KRTAP10-3: variants seen among roughly 807,000 people sequenced by gnomAD.
The protein encoded by KRTAP10-3 is keratin associated protein 10-3.
For synonymous variants in KRTAP10-3, 151 were observed against 126.2 expected, an observed-to-expected ratio of 1.20 and a Z score of -1.32; for missense variants, 341 against 293.4, an observed-to-expected ratio of 1.16 and a Z score of -1.19.
At position 44,558,160 on chromosome 21, in the gene KRTAP10-3, G is replaced by A. The variant is rs201034957; in HGVS notation, c.556C>T (p.Pro186Ser). The part of the protein sequence containing the change: ...SCCAPASTCQ[P>S]SCCRPASCVS... Reference sequence around the variant, plus strand: ...CAGGAGGCCGGGCGGCAGCAGCTGGGCTGGCAGGTGGAGGCAGGGGCACAG... The same window carrying A: ...CAGGAGGCCGGGCGGCAGCAGCTGGACTGGCAGGTGGAGGCAGGGGCACAG... The change falls in exon 1 of 1, where the codon CCC becomes TCC. Residue 186 changes from proline to serine, a missense_variant. Physicochemically the swap from Pro to Ser is moderately conservative, Grantham distance 74. Coordinates refer to ENST00000391620, the MANE Select transcript of KRTAP10-3 (RefSeq NM_198696.3). 1.9e-4 allele frequency: 305 copies of A among 1,611,268 alleles called. No individual in the cohort carries two copies. The highest frequency in any genetic ancestry group is 5.0e-4 in the Middle Eastern group (3 of 6,036).
Position 44,557,813 on chromosome 21 carries a change from T to G in KRTAP10-3, c.*237A>C. The G allele has an allele frequency of 1.7e-6, 1 of 574,262 alleles. No homozygotes were observed. The highest frequency in any genetic ancestry group is 3.1e-6 in the Non-Finnish European group (1 of 327,284). The allele number at this position is 574,262 out of a possible 1,614,324, so 35.6% of individuals were successfully genotyped here. ...GAGAGGGCACATTGGTGACTTTATT[T>G]GTTGACAGACTGATCACTCACATGG... On this transcript the variant is annotated 3_prime_UTR_variant, in exon 1 of 1. Transcript: ENST00000391620.
Position 44,557,933 on chromosome 21 carries a change from C to G in KRTAP10-3, c.*117G>C. 8.2e-7 allele frequency: 1 copy of G among 1,213,144 alleles called. No individual in the cohort carries two copies. Among genetic ancestry groups the G allele is most frequent in the Non-Finnish European group, 1.1e-6 (1 of 871,998 alleles). 75.1% of individuals were successfully genotyped at this position (1,213,144 alleles called of 1,614,324 possible). ...GAATCGGCATGAAAGCTCAGCATTG[C>G]TGGCTGGAGGTGCAGTGGCTATGGG... On this transcript the variant is annotated 3_prime_UTR_variant, in exon 1 of 1. Coordinates refer to ENST00000391620, the MANE Select transcript of KRTAP10-3 (RefSeq NM_198696.3).
In KRTAP10-3 at chr21:44,558,483, G is replaced by A. The variant is rs181734444; in HGVS notation, c.233C>T (p.Ser78Leu). 458 of 1,614,030 alleles carry A rather than the reference G, an allele frequency of 2.8e-4. No homozygotes were observed. Among genetic ancestry groups the A allele is most frequent in the Admixed American group, 5.8e-4 (35 of 60,036 alleles). Residue 78 changes from serine (S) to leucine (L), a missense_variant, in exon 1 of 1, where the codon TCG (serine) becomes TTG (leucine). Transcript: ENST00000391620. ...CTGGCAGCTAGACTGCTGGCAGCAC[G>A]AGGGCGTGCAGGAGCTGGTGCAGCC... ...QSGCTSSCTP[S>L]CCQQSSCQPA...
At position 44,558,390 on chromosome 21, in the gene KRTAP10-3, C is replaced by T. The variant is rs782511493; in HGVS notation, c.326G>A (p.Cys109Tyr). The T allele has an allele frequency of 3.3e-5, 53 of 1,613,028 alleles. No individual in the cohort carries two copies. The highest frequency in any genetic ancestry group is 4.1e-5 in the Non-Finnish European group (48 of 1,179,604). ...CCVPVCCKPVCCVPVCCKPVC... is the reference protein window; with the variant it reads ...CCVPVCCKPVYCVPVCCKPVC... Reference sequence around the variant, plus strand: ...AGGCTTGCAGCAGACGGGCACACAGCAGACTGGCTTGCAGCAGACAGGCAC... The same window carrying T: ...AGGCTTGCAGCAGACGGGCACACAGTAGACTGGCTTGCAGCAGACAGGCAC... The change falls in exon 1 of 1, where the codon TGC (cysteine) becomes TAC (tyrosine). Residue 109 changes from cysteine (C) to tyrosine (Y), a missense_variant. Cys to Tyr is a radical substitution (Grantham distance 194). Coordinates refer to ENST00000391620, the MANE Select transcript of KRTAP10-3 (RefSeq NM_198696.3).
Position 44,558,747 on chromosome 21 carries a change from A to G in KRTAP10-3, c.-32T>C, listed in dbSNP as rs1402449020. 2 of 1,572,992 alleles carry G rather than the reference A, an allele frequency of 1.3e-6. No homozygotes were observed. Among genetic ancestry groups the G allele is most frequent in the Admixed American group, 1.7e-5 (1 of 57,180 alleles). ...GTGGGGAGGAGGTGAGCTGGGGGAG[A>G]CGTGAGTGAGTGAGTGTGGGAGTGA... On this transcript the variant is annotated 5_prime_UTR_variant, in exon 1 of 1. Coordinates refer to ENST00000391620, the MANE Select transcript of KRTAP10-3 (RefSeq NM_198696.3).
rs62220865 is a variant in KRTAP10-3, at chr21:44,558,416, G to A, written c.300C>T (p.Cys100=). The change falls in exon 1 of 1, where the codon TGC becomes TGT. Residue 100 remains cysteine, a synonymous_variant. Transcript: ENST00000391620. ...CTSSPCQQAC[C]VPVCCKPVCC... ...AGACTGGCTTGCAGCAGACAGGCACGCAGCAGGCCTGCTGGCAGGGGGAGG... is the reference window on the plus strand; with the variant it reads ...AGACTGGCTTGCAGCAGACAGGCACACAGCAGGCCTGCTGGCAGGGGGAGG... The A allele has an allele frequency of 4.8e-5, 77 of 1,613,868 alleles. No homozygotes were observed. Among genetic ancestry groups the A allele is most frequent in the African/African-American group, 2.0e-4 (15 of 75,008 alleles).
chr21:44,558,113 G>T lies in KRTAP10-3; in HGVS notation c.603C>A (p.Pro201=). Residue 201 remains proline (P), a synonymous_variant, in exon 1 of 1, where the codon CCC becomes CCA. Transcript: ENST00000391620. ...PASCVSLLCR[P]TCSRLSSACC... The stretch of plus-strand genomic sequence containing the variant: ...ACGCGGAAGAGAGGCGGGAGCACGT[G>T]GGGCGGCAGAGGAGGGACACGCAGG... 1 of 1,611,952 alleles carries T rather than the reference G, an allele frequency of 6.2e-7. No homozygotes were observed. The highest frequency in any genetic ancestry group is 8.5e-7 in the Non-Finnish European group (1 of 1,178,732).
chr21:44,558,395 T>TTGCAGCACACA lies in KRTAP10-3; in HGVS notation c.320_321insTGTGTGCTGCA (p.Val111LysfsTer139). On this transcript the variant is annotated frameshift_variant, in exon 1 of 1. Coordinates refer to ENST00000391620, the MANE Select transcript of KRTAP10-3 (RefSeq NM_198696.3). LOFTEE classifies it low-confidence loss of function (END_TRUNC). ...TGCAGCAGACGGGCACACAGCAGAC[T>TTGCAGCACACA]GGCTTGCAGCAGACAGGCACGCAGC... is the stretch of plus-strand genomic sequence containing the variant. The TTGCAGCACACA allele has an allele frequency of 6.2e-7, 1 of 1,610,800 alleles. No individual in the cohort carries two copies. Among genetic ancestry groups the TTGCAGCACACA allele is most frequent in the South Asian group, 1.1e-5 (1 of 90,960 alleles).
rs782190680 is a variant in KRTAP10-3 at position 44,558,748 on chromosome 21, C to CGTGAGTGAGTGA, written c.-45_-34dup. The CGTGAGTGAGTGA allele has an allele frequency of 2.5e-6, 4 of 1,571,600 alleles. No homozygotes were observed. The highest frequency in any genetic ancestry group is 1.8e-5 in the Admixed American group (1 of 57,092). On this transcript the variant is annotated 5_prime_UTR_variant, in exon 1 of 1. Transcript: ENST00000391620. ...TGGGGAGGAGGTGAGCTGGGGGAGA[C>CGTGAGTGAGTGA]GTGAGTGAGTGAGTGTGGGAGTGAG...
rs1246560317 is a variant in KRTAP10-3, at chr21:44,557,910, A to G, written c.*140T>C. 1 of 994,938 alleles carries G rather than the reference A, an allele frequency of 1.0e-6. No individual in the cohort carries two copies. The highest frequency in any genetic ancestry group is 1.5e-6 in the Non-Finnish European group (1 of 681,054). 61.6% of individuals were successfully genotyped at this position (994,938 alleles called of 1,614,324 possible). On this transcript the variant is annotated 3_prime_UTR_variant, in exon 1 of 1. Coordinates refer to ENST00000391620, the MANE Select transcript of KRTAP10-3 (RefSeq NM_198696.3). The stretch of plus-strand genomic sequence containing the variant: ...TGGGAGAGATGCATGCCTGGAGGGA[A>G]TCGGCATGAAAGCTCAGCATTGCTG...
rs201358935 is a variant in KRTAP10-3, at chr21:44,558,111, G to A, written c.605C>T (p.Thr202Met). 6.1e-5 allele frequency: 98 copies of A among 1,611,672 alleles called. No homozygotes were observed. Among genetic ancestry groups the A allele is most frequent in the African/African-American group, 8.0e-5 (6 of 74,992 alleles). The change falls in exon 1 of 1, where the codon ACG becomes ATG. Residue 202 changes from threonine to methionine, a missense_variant. Transcript: ENST00000391620. ...ASCVSLLCRP[T>M]CSRLSSACCG... ...GCACGCGGAAGAGAGGCGGGAGCACGTGGGGCGGCAGAGGAGGGACACGCA... is the reference window on the plus strand; with the variant it reads ...GCACGCGGAAGAGAGGCGGGAGCACATGGGGCGGCAGAGGAGGGACACGCA...
In KRTAP10-3 at chr21:44,557,880, G is replaced by A. The variant is rs2053559358; in HGVS notation, c.*170C>T. The stretch of plus-strand genomic sequence containing the variant: ...CACCGGCTGGCCAGCATGGAGATGA[G>A]GGTGTGGGAGAGATGCATGCCTGGA... On this transcript the variant is annotated 3_prime_UTR_variant, in exon 1 of 1. Coordinates refer to ENST00000391620, the MANE Select transcript of KRTAP10-3 (RefSeq NM_198696.3). 5.2e-6 allele frequency: 4 copies of A among 772,824 alleles called. No individual in the cohort carries two copies. The highest frequency in any genetic ancestry group is 5.8e-5 in the Admixed American group (2 of 34,302). The allele number at this position is 772,824 out of a possible 1,614,324, so 47.9% of individuals were successfully genotyped here.
rs1555920134 is a variant in KRTAP10-3, at chr21:44,558,080, G to A, written c.636C>T (p.Gly212=). ...AGCTGGACTTCTGGCCTGAGGAGAG[G>A]CCGCAGCACGCGGAAGAGAGGCGGG... ...TCSRLSSACC[G]LSSGQKSSC The change falls in exon 1 of 1, where the codon GGC becomes GGT. Residue 212 remains glycine, a synonymous_variant. Transcript: ENST00000391620. The A allele has an allele frequency of 1.2e-6, 2 of 1,611,340 alleles. No individual in the cohort carries two copies. Among genetic ancestry groups the A allele is most frequent in the Non-Finnish European group, 1.7e-6 (2 of 1,178,378 alleles).
Position 44,558,571 on chromosome 21 carries a change from G to A in KRTAP10-3, c.145C>T (p.Pro49Ser). The A allele has an allele frequency of 6.2e-7, 1 of 1,612,286 alleles. No individual in the cohort carries two copies. The highest frequency in any genetic ancestry group is 2.2e-5 in the East Asian group (1 of 44,846). Residue 49 changes from proline to serine, a missense_variant, in exon 1 of 1, where the codon CCA (proline) becomes TCA (serine). Coordinates refer to ENST00000391620, the MANE Select transcript of KRTAP10-3 (RefSeq NM_198696.3). Reference sequence around the variant, plus strand: ...CAGGGGCTGGACACACAGCTCACTGGGGTGCAGACCAGGGTCAGGCAGGGG... The same window carrying A: ...CAGGGGCTGGACACACAGCTCACTGAGGTGCAGACCAGGGTCAGGCAGGGG... Reference protein sequence around the residue: ...PAPCLTLVCTPVSCVSSPCCQ... With the variant: ...PAPCLTLVCTSVSCVSSPCCQ...
chr21:44,558,011 A>G lies in KRTAP10-3; in HGVS notation c.*39T>C, dbSNP rs2053562087. The G allele has an allele frequency of 2.5e-6, 4 of 1,571,066 alleles. No individual in the cohort carries two copies. Among genetic ancestry groups the G allele is most frequent in the Non-Finnish European group, 3.5e-6 (4 of 1,157,484 alleles). ...CTGCAAGGATTTTCGGAAGTCAGAG[A>G]TGGCCCTGGAACAACTCTGGAGAAA... On this transcript the variant is annotated 3_prime_UTR_variant, in exon 1 of 1. Coordinates refer to ENST00000391620, the MANE Select transcript of KRTAP10-3 (RefSeq NM_198696.3).
chr21:44,558,357 C>T lies in KRTAP10-3; in HGVS notation c.359G>A (p.Cys120Tyr), dbSNP rs1321830446. 1 of 1,612,688 alleles carries T rather than the reference C, an allele frequency of 6.2e-7. No homozygotes were observed. Among genetic ancestry groups the T allele is most frequent in the Admixed American group, 1.7e-5 (1 of 59,914 alleles). The change falls in exon 1 of 1, where the codon TGC becomes TAC. Residue 120 changes from cysteine (C) to tyrosine (Y), a missense_variant. Transcript: ENST00000391620. ...CVPVCCKPVC[C>Y]KPICCVPVCS... Reference sequence around the variant, plus strand: ...GACGGGCACACAGCAGATGGGCTTGCAGCAGACAGGCTTGCAGCAGACGGG... The same window carrying T: ...GACGGGCACACAGCAGATGGGCTTGTAGCAGACAGGCTTGCAGCAGACGGG...
Position 44,558,083 on chromosome 21 carries a change from G to A in KRTAP10-3, c.633C>T (p.Cys211=), listed in dbSNP as rs371048080. 3.2e-5 allele frequency: 51 copies of A among 1,611,658 alleles called. No homozygotes were observed. Among genetic ancestry groups the A allele is most frequent in the African/African-American group, 1.2e-4 (9 of 75,032 alleles). Residue 211 remains cysteine, a synonymous_variant, in exon 1 of 1, where the codon TGC becomes TGT. Coordinates refer to ENST00000391620, the MANE Select transcript of KRTAP10-3 (RefSeq NM_198696.3). ...PTCSRLSSAC[C]GLSSGQKSSC ...TGGACTTCTGGCCTGAGGAGAGGCC[G>A]CAGCACGCGGAAGAGAGGCGGGAGC...
rs2053561169 is a variant in KRTAP10-3 at position 44,557,963 on chromosome 21, G to A, written c.*87C>T. The A allele has an allele frequency of 2.7e-6, 4 of 1,469,576 alleles. No individual in the cohort carries two copies. In the Admixed American group the frequency reaches 8.5e-5, roughly 31 times the overall value. The allele number at this position is 1,469,576 out of a possible 1,614,324, so 91.0% of individuals were successfully genotyped here. A position where few individuals can be genotyped will look rare whatever the true frequency, so the allele number is the denominator to read the frequency against. ...TGGAGGTGCAGTGGCTATGGGCAGAGGAGACTCAGACAGGGCTCAGGGCTG... is the reference window on the plus strand; with the variant it reads ...TGGAGGTGCAGTGGCTATGGGCAGAAGAGACTCAGACAGGGCTCAGGGCTG... On this transcript the variant is annotated 3_prime_UTR_variant, in exon 1 of 1. Transcript: ENST00000391620.
rs2053570194 is a variant in KRTAP10-3, at chr21:44,558,212, G to A, written c.504C>T (p.Ser168=). 6.4e-7 allele frequency: 1 copy of A among 1,566,366 alleles called. No individual in the cohort carries two copies. The change falls in exon 1 of 1, where the codon TCC becomes TCT. Residue 168 remains serine (S), a synonymous_variant. Coordinates refer to ENST00000391620, the MANE Select transcript of KRTAP10-3 (RefSeq NM_198696.3). ...VSLLCRPVCR[S]TCCVPIPSCC... ...AGGAGGGGATGGGCACACAGCAGGTGGACCTGCACACGGGGCGGCAGAGGA... is the reference window on the plus strand; with the variant it reads ...AGGAGGGGATGGGCACACAGCAGGTAGACCTGCACACGGGGCGGCAGAGGA...
Sources: allele counts gnomAD v4.1 joint callset, GRCh38; gene constraint gnomAD v4.1.1; transcripts MANE v1.5; gene names NCBI Gene and HGNC (gene_info 2026-07-23, HGNC 2026-07-21).